Variants in DGKB observed in about 807,000 individuals in gnomAD.
The protein encoded by DGKB is diacylglycerol kinase beta.
In DGKB, 67 loss-of-function variants were observed where a neutral mutation model predicts 114.3. The ratio of observed to expected loss-of-function variants is 0.59; its 90% CI spans 0.48 to 0.72. The LOEUF (loss-of-function observed/expected upper bound fraction) is 0.72. Among genes scored for constraint, DGKB ranks in the 30% least tolerant of loss-of-function variants. The pLI is 0.00. For synonymous variants in DGKB, 398 were observed against 323.1 expected, an observed-to-expected ratio of 1.23 and a Z score of -2.49; for missense variants, 907 against 975.2, an observed-to-expected ratio of 0.93 and a Z score of 0.93.
chr7:14,209,396 AG>A (rs1787382469), intron 23 of DGKB: 1 of 468,024 alleles, frequency 2.1e-6, no homozygotes, highest in Admixed American at 2.4e-5. Context: ...TATAAAAACA[AG>A]ATCAAAACAT....
Position 14,753,966 on chromosome 7 carries a change from G to C in DGKB, c.148-18C>G. ...TCTTGTTTCTGTGCATGCAAGGAAA[G>C]AAAGAATACATGTGTTAATGTAAGA... On this transcript the variant is annotated intron_variant, in intron 3 of 25. Transcript: ENST00000402815. The C allele has an allele frequency of 1.3e-6, 2 of 1,493,114 alleles. No homozygotes were observed. The highest frequency in any genetic ancestry group is 1.8e-6 in the Non-Finnish European group (2 of 1,087,364). 92.5% of individuals were successfully genotyped at this position (1,493,114 alleles called of 1,614,324 possible). A position where few individuals can be genotyped will look rare whatever the true frequency, so the allele number is the denominator to read the frequency against.
At chr7:14,642,996 G>A (rs1306624134) in intron 13 of DGKB, among the ~76,000 whole-genome samples, 1 of 152,158 alleles carries the variant, frequency 6.6e-6, no homozygotes. Flanking sequence ...CAAGATGGCT[G>A]ACTAGAGGAA....
At chr7:14,834,030 T>A (rs1163670527) in intron 2 of DGKB, among the ~76,000 whole-genome samples, 4 of 152,168 alleles carry the variant, frequency 2.6e-5, no homozygotes, top group African/African-American at 9.7e-5. Context: ...CTAGCTTGTG[T>A]ACTCTATTTA....
intron 23 of DGKB, among the ~76,000 whole-genome samples, chr7:14,239,060 G>T (rs1793253639): frequency 1.3e-5 from 2 of 151,872 alleles, no homozygotes; most frequent in African/African-American, 2.4e-5. Flanking sequence ...TTTGCTGTTT[G>T]TTTCCTCTCA....
At chr7:14,301,630 C>A (rs1415831767) in intron 23 of DGKB, among the ~76,000 whole-genome samples, 3 of 152,104 alleles carry the variant, frequency 2.0e-5, no homozygotes, top group African/African-American at 7.2e-5. Flanking sequence ...ACAACTTGTG[C>A]TGCTGTATAC....
intron 23 of DGKB, among the ~76,000 whole-genome samples, chr7:14,323,013 G>A (rs964891374): frequency 2.0e-5 from 3 of 152,082 alleles, no homozygotes; most frequent in Non-Finnish European, 4.4e-5. Context: ...AGCTGAACAT[G>A]CACATACCTT....
chr7:14,249,482 G>A (rs188844276), intron 23 of DGKB, among the ~76,000 whole-genome samples: 173 of 152,154 alleles, frequency 1.1e-3, no homozygotes, highest in African/African-American at 4.0e-3. Flanking sequence ...ACTTTTCTTT[G>A]TTGGGAGGTT....
rs1429334437 is a variant in DGKB, at chr7:14,475,451, A to C, written c.1835+2710T>G. ...GCTTGAAATGATAACTGTAGACTTA[A>C]TCTGCAAATGTATAGATTGAAACAT... On this transcript the variant is annotated intron_variant, in intron 21 of 25. Coordinates refer to ENST00000402815, the MANE Select transcript of DGKB (RefSeq NM_001350709.2). Among the ~76,000 whole-genome samples the C allele has an allele frequency of 3.9e-5, 6 of 152,254 alleles. No homozygotes were observed. The East Asian group carries it at 1.2e-3, about 29-fold the overall frequency.
chr7:14,497,801 G>C (rs1785521855), intron 20 of DGKB, among the ~76,000 whole-genome samples: 1 of 151,854 alleles, frequency 6.6e-6, no homozygotes, highest in Non-Finnish European at 1.5e-5. Context: ...GCTGGTATTT[G>C]AACACAGCTC....
intron 1 of DGKB, among the ~76,000 whole-genome samples, chr7:14,970,670 C>T (rs1286207517): frequency 6.6e-6 from 1 of 152,050 alleles, no homozygotes; most frequent in Non-Finnish European, 1.5e-5. Context: ...GTTTTCATAC[C>T]CCTTCCCCTA....
intron 2 of DGKB, among the ~76,000 whole-genome samples, chr7:14,773,319 C>T (rs1837688989): frequency 6.6e-6 from 1 of 151,916 alleles, no homozygotes; most frequent in Non-Finnish European, 1.5e-5. Flanking sequence ...GTTGAGAATG[C>T]ATTCTTATTT....
intron 21 of DGKB, among the ~76,000 whole-genome samples, chr7:14,419,950 C>T (rs1347842439): frequency 6.6e-6 from 1 of 151,938 alleles, no homozygotes; most frequent in Non-Finnish European, 1.5e-5. Flanking sequence ...CATGGAAGAG[C>T]GACATCTAAT....
intron 23 of DGKB, among the ~76,000 whole-genome samples, chr7:14,318,292 T>G (rs1381262700): frequency 1.4e-5 from 2 of 147,398 alleles, no homozygotes; most frequent in Non-Finnish European, 3.0e-5. Flanking sequence ...AAATGGGATC[T>G]AATTAAACTA....
At chr7:14,453,317 C>T (rs186045515) in intron 21 of DGKB, among the ~76,000 whole-genome samples, 24 of 152,112 alleles carry the variant, frequency 1.6e-4, no homozygotes, top group Admixed American at 4.6e-4. Flanking sequence ...TTCAAGCATC[C>T]GGTTACGTGG....
chr7:14,917,028 A>G (rs542518078), intron 1 of DGKB, among the ~76,000 whole-genome samples: 1 of 152,280 alleles, frequency 6.6e-6, no homozygotes, highest in East Asian at 1.9e-4. Context: ...GCATTTTTAA[A>G]TAACATAAGT....
intron 23 of DGKB, among the ~76,000 whole-genome samples, chr7:14,209,715 C>T (rs1439546477): frequency 6.6e-6 from 1 of 152,024 alleles, no homozygotes; most frequent in Non-Finnish European, 1.5e-5. Context: ...TAAAGAAAAA[C>T]TTCAGACATA....
At chr7:14,966,446 GTATA>G (rs141065134) in intron 1 of DGKB, among the ~76,000 whole-genome samples, 3 of 148,812 alleles carry the variant, frequency 2.0e-5, no homozygotes, top group African/African-American at 4.9e-5. Context: ...ATATTTGTGT[GTATA>G]TATATATATA....
intron 20 of DGKB, among the ~76,000 whole-genome samples, chr7:14,498,134 C>G (rs1372037458): frequency 6.6e-6 from 1 of 151,804 alleles, no homozygotes; most frequent in African/African-American, 2.4e-5. Context: ...TAATTTATAT[C>G]TATTTCTGCT....
At chr7:14,230,754 T>G (rs751412701) in intron 23 of DGKB, among the ~76,000 whole-genome samples, 1 of 152,044 alleles carries the variant, frequency 6.6e-6, no homozygotes, top group Non-Finnish European at 1.5e-5. Flanking sequence ...TCATTTCACT[T>G]TCTATAAAGA....
Sources: allele counts gnomAD v4.1 joint callset (sites outside exome capture counted in the v4.1 genomes callset), GRCh38; gene constraint gnomAD v4.1.1; transcripts MANE v1.5; gene names NCBI Gene and HGNC (gene_info 2026-07-23, HGNC 2026-07-21).